The following NDUFAF2 variants were observed in gnomAD, a reference collection of about 807,000 sequenced individuals.
NDUFAF2 encodes NADH:ubiquinone oxidoreductase complex assembly factor 2, also known as NADH dehydrogenase [ubiquinone] 1 alpha subcomplex assembly factor 2.
Under a neutral mutation model 22.8 loss-of-function variants are expected in NDUFAF2, and 13 were observed. That is an observed-to-expected ratio of 0.57 (90% CI 0.37 to 0.91). NDUFAF2 has a LOEUF of 0.91. Ranked by LOEUF, NDUFAF2 falls within the 40% of genes least tolerant of loss-of-function variation. The pLI is 0.01. For missense variants in NDUFAF2, 162 were observed against 195.2 expected (o/e 0.83, Z 1.01); for synonymous variants, 53 against 64.2 (o/e 0.83, Z 0.84).
At chr5:61,031,906 A>G (rs2112610074) in intron 1 of NDUFAF2, among the ~76,000 whole-genome samples, 1 of 152,216 alleles carries the variant, frequency 6.6e-6, no homozygotes, top group African/African-American at 2.4e-5. Context: ...TGACTTTTTA[A>G]TGATTGCCAT....
intron 3 of NDUFAF2, among the ~76,000 whole-genome samples, chr5:61,140,174 C>T (rs1481083635): frequency 6.6e-6 from 1 of 152,262 alleles, no homozygotes; most frequent in Non-Finnish European, 1.5e-5. Flanking sequence ...GCCAGAGTTC[C>T]TCAGCTTGCA....
intron 1 of NDUFAF2, among the ~76,000 whole-genome samples, chr5:61,028,386 A>G (rs568470405): frequency 5.8e-4 from 88 of 152,178 alleles, no homozygotes; most frequent in African/African-American, 2.0e-3. Flanking sequence ...AAATTTCTAT[A>G]TTCATATACA....
At chr5:61,131,195 T>G (rs181670678) in intron 3 of NDUFAF2, among the ~76,000 whole-genome samples, 1 of 151,774 alleles carries the variant, frequency 6.6e-6, no homozygotes, top group East Asian at 1.9e-4. Flanking sequence ...GTTAACTTTT[T>G]TTTCTTTTTT....
intron 1 of NDUFAF2, among the ~76,000 whole-genome samples, chr5:60,987,883 C>T (rs1751103606): frequency 6.6e-6 from 1 of 152,172 alleles, no homozygotes; most frequent in South Asian, 2.1e-4. Context: ...AATGCCCTCT[C>T]CTACCACTCC....
At chr5:60,996,612 A>G (rs1249143625) in intron 1 of NDUFAF2, among the ~76,000 whole-genome samples, 1 of 152,154 alleles carries the variant, frequency 6.6e-6, no homozygotes, top group African/African-American at 2.4e-5. Context: ...TTCATCCAAG[A>G]GTTGCAATCC....
intron 3 of NDUFAF2, among the ~76,000 whole-genome samples, chr5:61,129,868 C>T (rs1163124990): frequency 6.6e-6 from 1 of 151,774 alleles, no homozygotes; most frequent in Admixed American, 6.6e-5. Context: ...GCAAATAAAA[C>T]CCAGCTTTTT....
chr5:61,149,964 C>T (rs910056726), intron 3 of NDUFAF2, among the ~76,000 whole-genome samples: 1 of 152,112 alleles, frequency 6.6e-6, no homozygotes, highest in Non-Finnish European at 1.5e-5. Context: ...GAGTCTTGCT[C>T]TGTCACCTAG....
intron 1 of NDUFAF2, among the ~76,000 whole-genome samples, chr5:60,991,437 A>G (rs773917019): frequency 6.6e-6 from 1 of 152,086 alleles, no homozygotes; most frequent in Non-Finnish European, 1.5e-5. Context: ...GTACCTATTA[A>G]CTATCCCTAC....
intron 1 of NDUFAF2, among the ~76,000 whole-genome samples, chr5:60,951,111 C>T (rs1580063576): frequency 6.6e-6 from 1 of 152,010 alleles, no homozygotes; most frequent in Non-Finnish European, 1.5e-5. Context: ...CTCGGTGCAA[C>T]CTCTGCCTCT....
chr5:61,024,154 T>G (rs940760667), intron 1 of NDUFAF2, among the ~76,000 whole-genome samples: 8 of 151,972 alleles, frequency 5.3e-5, no homozygotes, highest in Admixed American at 5.3e-4. Flanking sequence ...GAATTTTCTG[T>G]TTTTTTTAAC....
chr5:61,021,025 A>G (rs1209687571), intron 1 of NDUFAF2, among the ~76,000 whole-genome samples: 1 of 148,578 alleles, frequency 6.7e-6, no homozygotes, highest in African/African-American at 2.5e-5. Context: ...TATTTAAAGA[A>G]GTTTCCAAAT....
intron 3 of NDUFAF2, among the ~76,000 whole-genome samples, chr5:61,119,915 T>C (rs1410112138): frequency 1.3e-5 from 2 of 152,178 alleles, no homozygotes; most frequent in Non-Finnish European, 2.9e-5. Flanking sequence ...TTTAAAAATT[T>C]TTTTAAATAG....
intron 1 of NDUFAF2, among the ~76,000 whole-genome samples, chr5:60,961,787 T>G (rs62365456): frequency 1.3e-5 from 2 of 149,788 alleles, no homozygotes; most frequent in African/African-American, 4.9e-5. Context: ...AAAAAAAATT[T>G]ACTATGTAAT....
intron 1 of NDUFAF2, among the ~76,000 whole-genome samples, chr5:61,065,929 A>G (rs2111721216): frequency 6.6e-6 from 1 of 152,108 alleles, no homozygotes; most frequent in Admixed American, 6.6e-5. Flanking sequence ...ACATGATCCT[A>G]TATATAAAAA....
chr5:60,998,604 G>A (rs1751257149), intron 1 of NDUFAF2, among the ~76,000 whole-genome samples: 1 of 151,970 alleles, frequency 6.6e-6, no homozygotes. Flanking sequence ...AAATGTGATG[G>A]GGTTCGAGTC....
At chr5:61,111,037 A>G (rs1014747817) in intron 3 of NDUFAF2, among the ~76,000 whole-genome samples, 1 of 152,088 alleles carries the variant, frequency 6.6e-6, no homozygotes, top group Admixed American at 6.6e-5. Context: ...TGTTTCAAGA[A>G]ATTTTTCAAT....
chr5:61,031,104 G>A (rs951295866), intron 1 of NDUFAF2, among the ~76,000 whole-genome samples: 1 of 152,082 alleles, frequency 6.6e-6, no homozygotes, highest in Non-Finnish European at 1.5e-5. Flanking sequence ...TGAACTCAGA[G>A]TTATTGATAT....
At chr5:60,961,765 CAAAAA>C (rs11333036) in intron 1 of NDUFAF2, among the ~76,000 whole-genome samples, 1 of 114,770 alleles carries the variant, frequency 8.7e-6, no homozygotes, top group African/African-American at 3.3e-5. Context: ...GACTCTGTCT[CAAAAA>C]AAAAAAAAAA....
intron 1 of NDUFAF2, among the ~76,000 whole-genome samples, chr5:61,005,262 T>C (rs766221554): frequency 8.3e-4 from 127 of 152,326 alleles, no homozygotes; most frequent in Non-Finnish European, 8.5e-4. Context: ...ACAAAGGACA[T>C]GAAATCATCC....
Sources: allele counts gnomAD v4.1 joint callset (sites outside exome capture counted in the v4.1 genomes callset), GRCh38; gene constraint gnomAD v4.1.1; transcripts MANE v1.5; gene names NCBI Gene and HGNC (gene_info 2026-07-23, HGNC 2026-07-21).